The following MED19 variants were observed in gnomAD, a reference collection of about 807,000 sequenced individuals.
MED19 encodes the protein mediator of RNA polymerase II transcription subunit 19.
In MED19, 4 loss-of-function variants were observed where a neutral mutation model predicts 19.9. That is an observed-to-expected ratio of 0.20 (90% CI 0.10 to 0.46). The LOEUF (loss-of-function observed/expected upper bound fraction) is 0.46. MED19 is among the 20% of genes least tolerant of loss of function. The pLI, the probability that MED19 is intolerant of heterozygous loss-of-function variation, is 0.99. For missense variants in MED19, 303 were observed against 318.7 expected, an observed-to-expected ratio of 0.95 and a Z score of 0.38; for synonymous variants, 139 against 119.6, an observed-to-expected ratio of 1.16 and a Z score of -1.06.
chr11:57,712,012 G>C (rs1401484961), exon 1 of MED19: 30 of 1,531,754 alleles, frequency 2.0e-5, no homozygotes, highest in Non-Finnish European at 2.6e-5. Flanking sequence ...CTCCTGACTT[G>C]TCCGCGCCAG....
intron 1 of MED19, 52 bp from the exon 2 acceptor site, chr11:57,705,281 G>T: frequency 1.3e-6 from 2 of 1,581,760 alleles, no homozygotes; most frequent in East Asian, 4.5e-5. Context: ...AGTAGACCCA[G>T]GGAGTGAAGG....
rs200120838 is a variant in MED19 at position 57,705,236 on chromosome 11, A to G, written c.218-7T>C. The G allele has an allele frequency of 2.0e-5, 32 of 1,611,070 alleles. No homozygotes were observed. In the African/African-American group the frequency reaches 2.7e-4, roughly 13 times the overall value. Reference sequence around the variant, plus strand: ...CCTGTCAGCTCTGTGCTACCTAGACAACGCAGAATAAAAATAAAAAAGATC... The same window carrying G: ...CCTGTCAGCTCTGTGCTACCTAGACGACGCAGAATAAAAATAAAAAAGATC... On this transcript the variant is annotated splice_region_variant and splice_polypyrimidine_tract_variant and intron_variant, in intron 1 of 4. Coordinates refer to ENST00000431606, the Ensembl canonical transcript of MED19.
At chr11:57,704,081 C>A in exon 5 of MED19, 1 of 1,536,148 alleles carries the variant, frequency 6.5e-7, no homozygotes, top group Non-Finnish European at 8.7e-7. Flanking sequence ...GCTGCCCATA[C>A]CTGGGTGGTC....
At chr11:57,711,880 C>A (rs1032461789) in intron 1 of MED19, 83 bp downstream of exon 1, 24 of 1,359,062 alleles carry the variant, frequency 1.8e-5, no homozygotes, top group Middle Eastern at 4.4e-4. Flanking sequence ...TTACCTCGCA[C>A]CTCCGCTAGC....
At chr11:57,705,081 A>G (rs573096323) in exon 2 of MED19, 3 of 1,614,160 alleles carry the variant, frequency 1.9e-6, no homozygotes, top group African/African-American at 2.7e-5. Flanking sequence ...TGCTGTTATC[A>G]TGGGAACCAG....
intron 1 of MED19, among the ~76,000 whole-genome samples, chr11:57,710,692 G>A (rs936719340): frequency 2.0e-5 from 3 of 151,928 alleles, no homozygotes; most frequent in Non-Finnish European, 1.5e-5. Context: ...AAGTAGTTCT[G>A]CCCCTCAATT....
Position 57,704,259 on chromosome 11 carries a change from C to G in MED19, c.666+43G>C, listed in dbSNP as rs765477410. On this transcript the variant is annotated intron_variant, in intron 4 of 4. Coordinates refer to ENST00000431606, the Ensembl canonical transcript of MED19. ...AGGGTATTTAGGACAGGGGTGAGATCTGGGGAAACTCACTGGGTTGTGGCA... is the reference window on the plus strand; with the variant it reads ...AGGGTATTTAGGACAGGGGTGAGATGTGGGGAAACTCACTGGGTTGTGGCA... The G allele has an allele frequency of 4.8e-5, 73 of 1,529,842 alleles. No homozygotes were observed. The African/African-American group carries it at 9.2e-4, about 19-fold the overall frequency. 94.8% of individuals were successfully genotyped at this position (1,529,842 alleles called of 1,614,324 possible).
At position 57,704,293 on chromosome 11, in the gene MED19, C is replaced by CT. The variant is rs917719464; in HGVS notation, c.666+8dup. 42 of 1,534,080 alleles carry CT rather than the reference C, an allele frequency of 2.7e-5. No individual in the cohort carries two copies. The African/African-American group carries it at 4.9e-4, about 18-fold the overall frequency. On this transcript the variant is annotated intron_variant, in intron 4 of 4. Coordinates refer to ENST00000431606, the Ensembl canonical transcript of MED19. ...CTCACTGGGTTGTGGCAATAGGCCT[C>CT]TACTCTACCTTCTTTTTCTTCTTCT...
chr11:57,706,119 G>T (rs1202504713), intron 1 of MED19, among the ~76,000 whole-genome samples: 1 of 151,882 alleles, frequency 6.6e-6, no homozygotes. Flanking sequence ...TCGTGATACT[G>T]AGTATGATGC....
In MED19 at chr11:57,704,087, T is replaced by A. The variant is rs1431155546; in HGVS notation, c.686A>T (p.His229Leu). 4 of 1,535,966 alleles carry A rather than the reference T, an allele frequency of 2.6e-6. No homozygotes were observed. In the Admixed American group the frequency reaches 7.8e-5, roughly 30 times the overall value. ...GGCCTGGGAGCTGCCCATACCTGGGTGGTCTGGACTATGTCGATTCTGGGG... is the reference window on the plus strand; with the variant it reads ...GGCCTGGGAGCTGCCCATACCTGGGAGGTCTGGACTATGTCGATTCTGGGG... Residue 229 changes from histidine (H) to leucine (L), a missense_variant, in exon 5 of 5, where the codon CAC becomes CTC. By Grantham distance (99) the His-to-Leu change is moderately conservative. Coordinates refer to ENST00000431606, the Ensembl canonical transcript of MED19.
intron 1 of MED19, among the ~76,000 whole-genome samples, chr11:57,705,906 A>G (rs1195698310): frequency 6.6e-6 from 1 of 152,046 alleles, no homozygotes; most frequent in Non-Finnish European, 1.5e-5. Context: ...ATTCTCTGAC[A>G]CAGCTAGGAA....
In MED19 at chr11:57,709,455, T is replaced by G. The variant is rs550211310; in HGVS notation, c.217+2508A>C. On this transcript the variant is annotated intron_variant, in intron 1 of 4. Transcript: ENST00000431606. ...ACTCTTGATTTCCACCTCTTCAAAC[T>G]TGTTCCTTCCTCATCTTCCAAGTCT... Among the ~76,000 whole-genome samples, 27 of 152,070 alleles carry G rather than the reference T, an allele frequency of 1.8e-4. 2 individuals carry two copies. The South Asian group carries it at 5.6e-3, about 32-fold the overall frequency.
At chr11:57,705,060 A>G (rs1289955626) in exon 2 of MED19, 5 of 1,614,090 alleles carry the variant, frequency 3.1e-6, no homozygotes, top group Non-Finnish European at 4.2e-6. Context: ...TCTCAATGAG[A>G]GAGCGGAGGC....
At chr11:57,705,068 GGCT>G (rs1946492952) in exon 2 of MED19, 2 of 1,614,050 alleles carry the variant, frequency 1.2e-6, no homozygotes, top group Non-Finnish European at 1.7e-6. Context: ...AGAGAGCGGA[GGCT>G]GCTGTTATCA....
chr11:57,707,751 G>A (rs951958166), intron 1 of MED19, among the ~76,000 whole-genome samples: 4 of 152,196 alleles, frequency 2.6e-5, no homozygotes, highest in Non-Finnish European at 5.9e-5. Context: ...TTAAGGCTCA[G>A]GTGAGAAGGC....
chr11:57,711,016 T>C (rs929720782), intron 1 of MED19, among the ~76,000 whole-genome samples: 3 of 152,146 alleles, frequency 2.0e-5, no homozygotes, highest in African/African-American at 7.2e-5. Context: ...CATGTTTTCT[T>C]TTCCTAGCAT....
intron 1 of MED19, among the ~76,000 whole-genome samples, chr11:57,709,724 A>G (rs575952419): frequency 6.6e-6 from 1 of 152,046 alleles, no homozygotes; most frequent in South Asian, 2.1e-4. Flanking sequence ...ATCCCTAGCT[A>G]ATTTATTTTT....
chr11:57,705,206 T>A, exon 2 of MED19: 1 of 1,614,198 alleles, frequency 6.2e-7, no homozygotes, highest in Non-Finnish European at 8.5e-7. Flanking sequence ...ATCAGATTCG[T>A]GCTGCCTGTC....
At position 57,704,796 on chromosome 11, in the gene MED19, A is replaced by T. The variant is rs756628223; in HGVS notation, c.494T>A (p.Leu165Gln). ...CTTCTTGGGAGGCTGAATATGCATC[A>T]GACGACACTGCTCCGGCAACTGAAG... is the stretch of plus-strand genomic sequence containing the variant. Residue 165 changes from leucine to glutamine, a missense_variant, in exon 3 of 5, where the codon CTG becomes CAG. Physicochemically the swap from Leu to Gln is moderately radical, Grantham distance 113 (BLOSUM62 -2). This residue lies in a region of MED19 where 274 missense variants were observed against 259.2 expected (regional missense o/e 1.06). Coordinates refer to ENST00000431606, the Ensembl canonical transcript of MED19. 6.8e-6 allele frequency: 11 copies of T among 1,612,036 alleles called. No individual in the cohort carries two copies. In the South Asian group the frequency reaches 1.2e-4, roughly 18 times the overall value.
Sources: gnomAD v4.1 joint callset for allele counts (sites outside exome capture counted in the v4.1 genomes callset) on GRCh38, gnomAD v4.1.1 for gene constraint, gnomAD v4.1.1 regional missense constraint, MANE v1.5 for transcripts, NCBI Gene and HGNC (gene_info 2026-07-23, HGNC 2026-07-21) for gene names.